Variants in STX7 observed in about 807,000 individuals in gnomAD.
STX7 encodes the protein syntaxin 7, also known as syntaxin-7.
STX7 carries 34 observed loss-of-function variants against 39.6 expected under a neutral mutation model. The observed-to-expected ratio is 0.86, with a 90% CI of 0.65 to 1.14. The LOEUF is 1.14. Ranked by LOEUF, STX7 falls within the 50% of genes most tolerant of loss-of-function variation. The pLI, the probability that STX7 is intolerant of heterozygous loss-of-function variation, is 0.00. For missense variants in STX7, 284 were observed against 310.4 expected (o/e 0.92, Z 0.64); for synonymous variants, 119 against 99.1 (o/e 1.20, Z -1.19).
At chr6:132,496,245 C>T (rs1775417779) in intron 2 of STX7, among the ~76,000 whole-genome samples, 1 of 152,090 alleles carries the variant, frequency 6.6e-6, no homozygotes, top group Admixed American at 6.5e-5. Flanking sequence ...ACTACATCTT[C>T]CTCTTTCAGG....
At chr6:132,473,509 A>T (rs1375508357) in intron 3 of STX7, among the ~76,000 whole-genome samples, 15 of 126,034 alleles carry the variant, frequency 1.2e-4, no homozygotes, top group East Asian at 9.0e-4. Flanking sequence ...TTTTTTTTTT[A>T]TTATTGTGTT....
rs3179103 is a variant in STX7, at chr6:132,446,056, A to C, written c.*14702T>G. On this transcript the variant is annotated 3_prime_UTR_variant, in exon 10 of 10. Coordinates refer to ENST00000367941, the MANE Select transcript of STX7 (RefSeq NM_003569.3). ...TAAGGTATTAAAGATGAAAGCTAGT[A>C]CCCTTACAACTATTTATATTGCAAA... 6.6e-6 allele frequency: 1 copy of C among 152,198 alleles called. No homozygotes were observed. Among genetic ancestry groups the C allele is most frequent in the African/African-American group, 2.4e-5 (1 of 41,456 alleles). The allele number at this position is 152,198 out of a possible 1,614,324, so 9.4% of individuals were successfully genotyped here.
At chr6:132,507,656 C>A (rs1775740436) in intron 1 of STX7, among the ~76,000 whole-genome samples, 1 of 128,380 alleles carries the variant, frequency 7.8e-6, no homozygotes, top group South Asian at 2.5e-4. Flanking sequence ...TTCATTATTG[C>A]CAAATAATAT....
intron 2 of STX7, 67 bp from the exon 3 acceptor site, chr6:132,475,729 T>C: frequency 8.9e-7 from 1 of 1,123,840 alleles, no homozygotes; most frequent in Non-Finnish European, 1.3e-6. Context: ...AGTTAAAAAT[T>C]AATATGTACA....
intron 2 of STX7, among the ~76,000 whole-genome samples, chr6:132,491,797 G>A (rs1250344150): frequency 1.3e-5 from 2 of 151,900 alleles, no homozygotes; most frequent in South Asian, 2.1e-4. Context: ...CCTCCTGCAT[G>A]TCCAGCTCAC....
intron 2 of STX7, among the ~76,000 whole-genome samples, chr6:132,491,300 C>T (rs1775280213): frequency 6.9e-6 from 1 of 144,266 alleles, no homozygotes; most frequent in Non-Finnish European, 1.5e-5. Flanking sequence ...ATGAAGTAAT[C>T]ACAGTTTAAA....
At chr6:132,472,791 C>A (rs1210033980) in intron 3 of STX7, among the ~76,000 whole-genome samples, 2 of 152,058 alleles carry the variant, frequency 1.3e-5, no homozygotes, top group Non-Finnish European at 2.9e-5. Flanking sequence ...GCCCAGTTCC[C>A]AGATCTAGTT....
At chr6:132,496,802 C>T (rs1306071542) in intron 2 of STX7, among the ~76,000 whole-genome samples, 1 of 152,198 alleles carries the variant, frequency 6.6e-6, no homozygotes, top group Admixed American at 6.5e-5. Flanking sequence ...CAATCACATA[C>T]AGCTTGCTTG....
rs1774726585 is a variant in STX7 at position 132,471,657 on chromosome 6, T to G, written c.250-57A>C. On this transcript the variant is annotated intron_variant, in intron 4 of 9. Coordinates refer to ENST00000367941, the MANE Select transcript of STX7 (RefSeq NM_003569.3). The stretch of plus-strand genomic sequence containing the variant: ...ATCTAGCTGTGAAGTTCAACTGAAT[T>G]TGCGGTAGTTGGCTCTTTATTTAAC... The G allele has an allele frequency of 6.9e-6, 11 of 1,590,844 alleles. No individual in the cohort carries two copies. The South Asian group carries it at 1.3e-4, about 18-fold the overall frequency.
At position 132,464,014 on chromosome 6, in the gene STX7, C is replaced by T; in HGVS notation, c.672G>A (p.Leu224=). The change falls in exon 9 of 10, where the codon CTG becomes CTA. Residue 224 remains leucine (L), a synonymous_variant. Coordinates refer to ENST00000367941, the MANE Select transcript of STX7 (RefSeq NM_003569.3). ...TTACCTGATAATCTGCTGCCCTTGACAGCTGCTGATTTGCTTGCTGAACGT... is the reference window on the plus strand; with the variant it reads ...TTACCTGATAATCTGCTGCCCTTGATAGCTGCTGATTTGCTTGCTGAACGT... ...EVHVQQANQQ[L]SRAADYQRKS... The T allele has an allele frequency of 6.2e-7, 1 of 1,614,092 alleles. No individual in the cohort carries two copies. The highest frequency in any genetic ancestry group is 1.1e-5 in the South Asian group (1 of 91,074).
rs183961327 is a variant in STX7 at position 132,446,984 on chromosome 6, T to C, written c.*13774A>G. 39 of 152,296 alleles carry C rather than the reference T, an allele frequency of 2.6e-4. No homozygotes were observed. The highest frequency in any genetic ancestry group is 1.3e-3 in the East Asian group (7 of 5,188). 9.4% of individuals were successfully genotyped at this position (152,296 alleles called of 1,614,324 possible). On this transcript the variant is annotated 3_prime_UTR_variant, in exon 10 of 10. Transcript: ENST00000367941. Reference sequence around the variant, plus strand: ...CCATGAATAACTGCCGAGGGTACCATAGACACTGGGTTGGACAAGCAAGAA... The same window carrying C: ...CCATGAATAACTGCCGAGGGTACCACAGACACTGGGTTGGACAAGCAAGAA...
chr6:132,488,550 T>C (rs888516142), intron 2 of STX7, among the ~76,000 whole-genome samples: 1 of 152,084 alleles, frequency 6.6e-6, no homozygotes, highest in Non-Finnish European at 1.5e-5. Context: ...TTTAAAACTG[T>C]CTTATGAGGG....
rs1774216848 is a variant in STX7 at position 132,455,136 on chromosome 6, T to A, written c.*5622A>T. ...GATCTGAGAGCTTTTCACCGTCAAG[T>A]TTTTAGCTATACAAGTTATTAAAAA... On this transcript the variant is annotated 3_prime_UTR_variant, in exon 10 of 10. Coordinates refer to ENST00000367941, the MANE Select transcript of STX7 (RefSeq NM_003569.3). 6.6e-6 allele frequency: 1 copy of A among 152,180 alleles called. No homozygotes were observed. The highest frequency in any genetic ancestry group is 2.4e-5 in the African/African-American group (1 of 41,448). The allele number at this position is 152,180 out of a possible 1,614,324, so 9.4% of individuals were successfully genotyped here.
intron 2 of STX7, among the ~76,000 whole-genome samples, chr6:132,494,530 G>GTTTTGTTTTTAT (rs1775375493): frequency 6.6e-6 from 1 of 152,184 alleles, no homozygotes; most frequent in Non-Finnish European, 1.5e-5. Flanking sequence ...CCTAAGACCT[G>GTTTTGTTTTTAT]AATGCCAGAA....
Position 132,446,034 on chromosome 6 carries a change from G to A in STX7, c.*14724C>T, listed in dbSNP as rs1463191192. The A allele has an allele frequency of 1.3e-5, 2 of 152,140 alleles. No homozygotes were observed. Among genetic ancestry groups the A allele is most frequent in the Non-Finnish European group, 2.9e-5 (2 of 68,022 alleles). The allele number at this position is 152,140 out of a possible 1,614,324, so 9.4% of individuals were successfully genotyped here. A position where few individuals can be genotyped will look rare whatever the true frequency, so the allele number is the denominator to read the frequency against. On this transcript the variant is annotated 3_prime_UTR_variant, in exon 10 of 10. Coordinates refer to ENST00000367941, the MANE Select transcript of STX7 (RefSeq NM_003569.3). ...AAAAACTCTAAACACAGAGGGTTAA[G>A]GTATTAAAGATGAAAGCTAGTACCC...
chr6:132,492,478 C>T (rs73776253), intron 2 of STX7, among the ~76,000 whole-genome samples: 2,455 of 152,182 alleles, frequency 0.016, 52 homozygotes, highest in African/African-American at 0.053. Flanking sequence ...TTATTTTATT[C>T]GCTGACATAG....
chr6:132,509,584 T>C lies in STX7; in HGVS notation c.-59+3423A>G, dbSNP rs1162777643. Among the ~76,000 whole-genome samples the C allele has an allele frequency of 5.3e-5, 8 of 152,178 alleles. No individual in the cohort carries two copies. The East Asian group carries it at 1.3e-3, about 26-fold the overall frequency. The stretch of plus-strand genomic sequence containing the variant: ...GCATGCCCCATATGAAGTTTTGCTA[T>C]TCCCACTCCTAAGATGAAGGAATAT... On this transcript the variant is annotated intron_variant, in intron 1 of 9. Coordinates refer to ENST00000367941, the MANE Select transcript of STX7 (RefSeq NM_003569.3).
At chr6:132,463,678 G>A (rs1774479339) in intron 9 of STX7, among the ~76,000 whole-genome samples, 1 of 152,138 alleles carries the variant, frequency 6.6e-6, no homozygotes, top group African/African-American at 2.4e-5. Context: ...TCACAAAAAG[G>A]TTTCTGGGTA....
intron 2 of STX7, among the ~76,000 whole-genome samples, chr6:132,495,628 A>C (rs541807147): frequency 3.1e-4 from 47 of 152,250 alleles, no homozygotes; most frequent in African/African-American, 1.1e-3. Context: ...CTTTTTTAAA[A>C]AAATATTTGC....
Sources: gnomAD v4.1 joint callset for allele counts (sites outside exome capture counted in the v4.1 genomes callset) on GRCh38, gnomAD v4.1.1 for gene constraint, MANE v1.5 for transcripts, NCBI Gene and HGNC (gene_info 2026-07-23, HGNC 2026-07-21) for gene names.